PID1: variants seen among roughly 807,000 people sequenced by gnomAD.
The protein encoded by PID1 is phosphotyrosine interaction domain containing 1.
Under a neutral mutation model 19.1 loss-of-function variants are expected in PID1, and 10 were observed. That is an observed-to-expected ratio of 0.52 (90% CI 0.32 to 0.89). PID1 has a LOEUF of 0.89. Ranked by LOEUF, PID1 falls within the 40% of genes least tolerant of loss-of-function variation. The probability of loss-of-function intolerance (pLI) is 0.03; values close to 1 mark genes in which losing one functional copy is unlikely to be tolerated. For synonymous variants in PID1, 130 were observed against 116.0 expected, an observed-to-expected ratio of 1.12 and a Z score of -0.78; for missense variants, 248 against 285.3, an observed-to-expected ratio of 0.87 and a Z score of 0.94.
At chr2:229,142,250 A>C (rs1690031448) in intron 2 of PID1, among the ~76,000 whole-genome samples, 1 of 152,180 alleles carries the variant, frequency 6.6e-6, no homozygotes, top group Non-Finnish European at 1.5e-5. Flanking sequence ...AAAGTAACTT[A>C]AGTGTCACTG....
intron 2 of PID1, among the ~76,000 whole-genome samples, chr2:229,123,564 G>A (rs1470527201): frequency 1.3e-5 from 2 of 152,054 alleles, no homozygotes; most frequent in Admixed American, 6.6e-5. Flanking sequence ...TGGGTGATAC[G>A]GTAACTCCAG....
intron 1 of PID1, among the ~76,000 whole-genome samples, chr2:229,269,435 A>G (rs1471238816): frequency 6.6e-6 from 1 of 152,240 alleles, no homozygotes; most frequent in African/African-American, 2.4e-5. Flanking sequence ...GCCGGTAGGA[A>G]GAACTTGAAT....
intron 2 of PID1, among the ~76,000 whole-genome samples, chr2:229,117,564 T>C (rs1032468169): frequency 9.2e-5 from 14 of 152,192 alleles, no homozygotes; most frequent in Non-Finnish European, 1.9e-4. Context: ...ATAATTCTAA[T>C]AATTTTCCAT....
chr2:229,163,856 TAAAC>T (rs1011389012), intron 1 of PID1, among the ~76,000 whole-genome samples: 2 of 152,256 alleles, frequency 1.3e-5, no homozygotes, highest in East Asian at 1.9e-4. Context: ...TGTGAACAGT[TAAAC>T]AATTCATTGT....
At chr2:229,155,689 A>C in intron 2 of PID1, 129 bp downstream of exon 2, 1 of 730,332 alleles carries the variant, frequency 1.4e-6, no homozygotes, top group Non-Finnish European at 2.2e-6. Context: ...CACTCTGTGA[A>C]TTTATTTTGT....
intron 1 of PID1, among the ~76,000 whole-genome samples, chr2:229,255,847 A>G (rs970805866): frequency 2.6e-5 from 4 of 152,170 alleles, no homozygotes; most frequent in African/African-American, 4.8e-5. Context: ...GGAGACAAGC[A>G]ATGACCATGG....
chr2:229,082,164 T>C (rs1694681159), intron 2 of PID1, among the ~76,000 whole-genome samples: 2 of 152,222 alleles, frequency 1.3e-5, no homozygotes, highest in South Asian at 4.1e-4. Context: ...AGTTTATCAA[T>C]GATTCAGAGC....
Position 229,208,101 on chromosome 2 carries a change from C to T in PID1, c.31-52137G>A, listed in dbSNP as rs183448907. 2.2e-3 allele frequency among the ~76,000 whole-genome samples: 339 copies of T among 152,248 alleles called. 7 individuals are homozygous for T. The highest frequency in any genetic ancestry group is 1.1e-3 in the Non-Finnish European group (72 of 68,004). On this transcript the variant is annotated intron_variant, in intron 1 of 2. Transcript: ENST00000392055. ...AATAATCAGTTTGCTTTTCCCAGGC[C>T]TCTGGGTTGTAAAGGAGATGGCTTC...
intron 2 of PID1, among the ~76,000 whole-genome samples, chr2:229,109,511 T>C (rs1172675452): frequency 6.6e-6 from 1 of 152,182 alleles, no homozygotes; most frequent in East Asian, 1.9e-4. Context: ...CCCACTGTTT[T>C]GCAAATGCAT....
intron 1 of PID1, among the ~76,000 whole-genome samples, chr2:229,242,732 A>C (rs916209641): frequency 6.6e-6 from 1 of 152,076 alleles, no homozygotes; most frequent in African/African-American, 2.4e-5. Context: ...CTTAAAACCA[A>C]TCTGAGTCAT....
intron 2 of PID1, among the ~76,000 whole-genome samples, chr2:229,119,830 C>T (rs1230622077): frequency 3.9e-5 from 6 of 152,092 alleles, no homozygotes; most frequent in African/African-American, 9.7e-5. Flanking sequence ...GTAGTCAGGC[C>T]TCACGTAATC....
chr2:229,097,017 G>C (rs1403603537), intron 2 of PID1, among the ~76,000 whole-genome samples: 1 of 152,160 alleles, frequency 6.6e-6, no homozygotes, highest in Non-Finnish European at 1.5e-5. Flanking sequence ...CCCTGAGTTT[G>C]ATTAAAGAAT....
At chr2:229,043,792 C>A (rs1693820395) in intron 2 of PID1, among the ~76,000 whole-genome samples, 1 of 152,136 alleles carries the variant, frequency 6.6e-6, no homozygotes, top group Admixed American at 6.5e-5. Context: ...AAGGAGAGAG[C>A]CATGCCTGGC....
At chr2:229,174,796 T>C (rs1690785094) in intron 1 of PID1, among the ~76,000 whole-genome samples, 1 of 151,488 alleles carries the variant, frequency 6.6e-6, no homozygotes, top group Non-Finnish European at 1.5e-5. Flanking sequence ...GGTATGAAAG[T>C]GAACAACTCA....
At chr2:229,109,177 G>A (rs1292159871) in intron 2 of PID1, among the ~76,000 whole-genome samples, 2 of 152,104 alleles carry the variant, frequency 1.3e-5, no homozygotes, top group Non-Finnish European at 2.9e-5. Context: ...CCCTCATGAA[G>A]ATCACCTTGG....
intron 2 of PID1, among the ~76,000 whole-genome samples, chr2:229,139,470 G>T (rs1689966671): frequency 6.6e-6 from 1 of 152,148 alleles, no homozygotes; most frequent in Non-Finnish European, 1.5e-5. Context: ...GCTGATCTTA[G>T]CATCTTTATC....
intron 1 of PID1, among the ~76,000 whole-genome samples, chr2:229,193,979 G>A (rs1177442480): frequency 6.6e-6 from 1 of 151,870 alleles, no homozygotes; most frequent in Admixed American, 6.6e-5. Flanking sequence ...GCAGAATGGG[G>A]GATATTGTCA....
At chr2:229,215,086 A>G (rs1691817272) in intron 1 of PID1, among the ~76,000 whole-genome samples, 1 of 152,228 alleles carries the variant, frequency 6.6e-6, no homozygotes, top group Non-Finnish European at 1.5e-5. Context: ...AATAACAACA[A>G]TGTGGGAAAG....
At chr2:229,168,063 C>G (rs1302751609) in intron 1 of PID1, among the ~76,000 whole-genome samples, 1 of 152,008 alleles carries the variant, frequency 6.6e-6, no homozygotes, top group Non-Finnish European at 1.5e-5. Context: ...TGTAATATGT[C>G]TTTTGTTTGT....
Sources: gnomAD v4.1 joint callset for allele counts (sites outside exome capture counted in the v4.1 genomes callset) on GRCh38, gnomAD v4.1.1 for gene constraint, MANE v1.5 for transcripts, NCBI Gene and HGNC (gene_info 2026-07-23, HGNC 2026-07-21) for gene names.